FARP1: variants seen among roughly 807,000 people sequenced by gnomAD.
The protein encoded by FARP1 is FERM, ARHGEF and pleckstrin domain-containing protein 1.
FARP1 carries 52 observed loss-of-function variants against 128.8 expected under a neutral mutation model. The observed-to-expected ratio is 0.40, with a 90% CI of 0.32 to 0.51. FARP1 has a LOEUF of 0.51. Among genes scored for constraint, FARP1 ranks in the 20% least tolerant of loss-of-function variants. The pLI, the probability that FARP1 is intolerant of heterozygous loss-of-function variation, is 0.45. For synonymous variants in FARP1, 580 were observed against 551.8 expected (o/e 1.05, Z -0.72); for missense variants, 1,333 against 1,367.9 (o/e 0.97, Z 0.40).
chr13:98,180,959 G>T (rs1349637959), intron 1 of FARP1, among the ~76,000 whole-genome samples: 1 of 151,968 alleles, frequency 6.6e-6, no homozygotes, highest in Non-Finnish European at 1.5e-5. Context: ...TAGATTATGT[G>T]TTTCCTCATT....
In FARP1 at chr13:98,452,849, A is replaced by G. The variant is rs1893261599; in HGVS notation, c.*4532A>G. 7.6e-6 allele frequency: 2 copies of G among 263,852 alleles called. No homozygotes were observed. Among genetic ancestry groups the G allele is most frequent in the Non-Finnish European group, 1.4e-5 (2 of 139,610 alleles). The allele number at this position is 263,852 out of a possible 1,614,324, so 16.3% of individuals were successfully genotyped here. ...TCTTTAGTTGCCTTATCATAATCCC[A>G]AATATACATTTCAGGGTTTGTTTTT... On this transcript the variant is annotated 3_prime_UTR_variant, in exon 27 of 27. Coordinates refer to ENST00000319562, the MANE Select transcript of FARP1 (RefSeq NM_005766.4).
At chr13:98,247,371 C>A (rs1343796319) in intron 2 of FARP1, among the ~76,000 whole-genome samples, 5 of 152,192 alleles carry the variant, frequency 3.3e-5, no homozygotes, top group African/African-American at 4.8e-5. Context: ...CCCACTTTGG[C>A]CCCCACATAG....
At chr13:98,429,964 C>T (rs1891947799) in intron 17 of FARP1, among the ~76,000 whole-genome samples, 1 of 152,188 alleles carries the variant, frequency 6.6e-6, no homozygotes, top group African/African-American at 2.4e-5. Context: ...TCAGGCCGGG[C>T]GTGGTGCCTC....
intron 1 of FARP1, among the ~76,000 whole-genome samples, chr13:98,153,537 T>G (rs774699): frequency 4.3e-5 from 1 of 23,066 alleles, no homozygotes; most frequent in African/African-American, 5.7e-5. Context: ...ATATTATATA[T>G]AAATATGTAT....
At chr13:98,373,529 G>GACACACAC (rs1555341442) in intron 5 of FARP1, among the ~76,000 whole-genome samples, 4 of 79,244 alleles carry the variant, frequency 5.0e-5, no homozygotes, top group Admixed American at 1.3e-4. Context: ...GAGACAGACA[G>GACACACAC]ACAGACACAC....
In FARP1 at chr13:98,379,196, A is replaced by AAT. The variant is rs1184304743; in HGVS notation, c.496+1288_496+1289dup. On this transcript the variant is annotated intron_variant, in intron 6 of 26. Coordinates refer to ENST00000319562, the MANE Select transcript of FARP1 (RefSeq NM_005766.4). ...TCTATATATAATATATATAATATAT[A>AAT]ATATATATATAATATATAATATATA... Among the ~76,000 whole-genome samples the AAT allele has an allele frequency of 5.9e-5, 4 of 68,346 alleles. 1 individual carries two copies. The Admixed American group carries it at 7.2e-4, about 12-fold the overall frequency. The allele number at this position is 68,346 out of a possible 152,430, so 44.8% of individuals were successfully genotyped here.
chr13:98,360,101 T>C (rs1244126782), intron 3 of FARP1, among the ~76,000 whole-genome samples: 9 of 146,116 alleles, frequency 6.2e-5, no homozygotes, highest in Non-Finnish European at 4.5e-5. Context: ...TTTTTTTTTT[T>C]TTTTTTTTTT....
intron 2 of FARP1, among the ~76,000 whole-genome samples, chr13:98,304,072 G>C (rs1208085023): frequency 6.6e-6 from 1 of 152,112 alleles, no homozygotes; most frequent in South Asian, 2.1e-4. Context: ...AATTATTAGC[G>C]AGGTTGCTGA....
At chr13:98,386,187 CT>C (rs138218092) in intron 8 of FARP1, among the ~76,000 whole-genome samples, 2,089 of 93,022 alleles carry the variant, frequency 0.022, 12 homozygotes, top group Middle Eastern at 0.065. Context: ...TAATGTGATC[CT>C]TTTTTTTTTT....
In FARP1 at chr13:98,423,444, G is replaced by A. The variant is rs573220070; in HGVS notation, c.1827-1128G>A. Among the ~76,000 whole-genome samples the A allele has an allele frequency of 2.1e-4, 32 of 152,116 alleles. No individual in the cohort carries two copies. The Middle Eastern group carries it at 0.01, about 49-fold the overall frequency. The stretch of plus-strand genomic sequence containing the variant: ...GTTTGTTTGTTTGTTTGTTTAATTC[G>A]TTCCTTTCATGTAAGTTGGCTTCTG... On this transcript the variant is annotated intron_variant, in intron 16 of 26. Transcript: ENST00000319562.
In FARP1 at chr13:98,284,810, C is replaced by T. The variant is rs977411441; in HGVS notation, c.172-58952C>T. 3.9e-5 allele frequency among the ~76,000 whole-genome samples: 6 copies of T among 152,166 alleles called. No homozygotes were observed. In the East Asian group the frequency reaches 7.7e-4, roughly 20 times the overall value. On this transcript the variant is annotated intron_variant, in intron 2 of 26. Transcript: ENST00000319562. The stretch of plus-strand genomic sequence containing the variant: ...TTTGAGTGAAGTGTTGGATTAAAAC[C>T]AGGCTCTGGAATCGTTCTTCCTGTG...
At chr13:98,209,472 ATTTTTTTTTTTT>A (rs534634730) in intron 1 of FARP1, among the ~76,000 whole-genome samples, 4 of 106,484 alleles carry the variant, frequency 3.8e-5, no homozygotes, top group Non-Finnish European at 5.3e-5. Context: ...GGGAGGAAAG[ATTTTTTTTTTTT>A]TTTTTTTTTT....
chr13:98,270,990 T>C (rs1884363875), intron 2 of FARP1, among the ~76,000 whole-genome samples: 1 of 152,196 alleles, frequency 6.6e-6, no homozygotes, highest in Admixed American at 6.5e-5. Context: ...GAAATCATGA[T>C]GTAAGACGAG....
chr13:98,376,846 T>C (rs1889608489), intron 5 of FARP1, among the ~76,000 whole-genome samples: 1 of 151,406 alleles, frequency 6.6e-6, no homozygotes, highest in South Asian at 2.1e-4. Context: ...GGTGAGATGA[T>C]ATCTCATTAT....
chr13:98,363,202 C>T lies in FARP1; in HGVS notation c.277-2193C>T, dbSNP rs574789690. 3.3e-5 allele frequency among the ~76,000 whole-genome samples: 5 copies of T among 152,300 alleles called. No homozygotes were observed. In the South Asian group the frequency reaches 1.0e-3, roughly 32 times the overall value. ...GGGGCCAGGCCTCTTCCTGACCCACCAGCCCTGCTCTGCAGCCATGATGAT... is the reference window on the plus strand; with the variant it reads ...GGGGCCAGGCCTCTTCCTGACCCACTAGCCCTGCTCTGCAGCCATGATGAT... On this transcript the variant is annotated intron_variant, in intron 3 of 26. Transcript: ENST00000319562.
At chr13:98,173,909 T>C (rs1486577363) in intron 1 of FARP1, among the ~76,000 whole-genome samples, 7 of 152,224 alleles carry the variant, frequency 4.6e-5, no homozygotes, top group Admixed American at 2.6e-4. Context: ...TCCTCATCCC[T>C]GTTCTGAGCT....
At chr13:98,190,800 G>C (rs887011364) in intron 1 of FARP1, among the ~76,000 whole-genome samples, 6 of 150,668 alleles carry the variant, frequency 4.0e-5, no homozygotes, top group Middle Eastern at 3.4e-3. Flanking sequence ...TCCCCGCTTG[G>C]CCTCCCAAAG....
chr13:98,388,695 G>A (rs879489503), intron 9 of FARP1, among the ~76,000 whole-genome samples: 3 of 152,218 alleles, frequency 2.0e-5, no homozygotes, highest in Non-Finnish European at 2.9e-5. Flanking sequence ...GAGCGTAAAG[G>A]AGGTACATGA....
At chr13:98,409,765 C>A (rs1566299973) in intron 14 of FARP1, among the ~76,000 whole-genome samples, 1 of 152,200 alleles carries the variant, frequency 6.6e-6, no homozygotes, top group Non-Finnish European at 1.5e-5. Flanking sequence ...CCTCCTTCCC[C>A]CTCCTGCCAG....
Sources: gnomAD v4.1 joint callset for allele counts (sites outside exome capture counted in the v4.1 genomes callset) on GRCh38, gnomAD v4.1.1 for gene constraint, MANE v1.5 for transcripts, NCBI Gene and HGNC (gene_info 2026-07-23, HGNC 2026-07-21) for gene names.